Variants in TRRAP observed in about 807,000 individuals in gnomAD.
TRRAP encodes transformation/transcription domain-associated protein.
Under a neutral mutation model 438.8 loss-of-function variants are expected in TRRAP, and 41 were observed. The observed-to-expected ratio is 0.09, with a 90% CI of 0.07 to 0.12. TRRAP has a LOEUF of 0.12. Ranked by LOEUF, TRRAP falls within the 10% of genes least tolerant of loss-of-function variation. The probability of loss-of-function intolerance (pLI) is 1.00; values close to 1 mark genes in which losing one functional copy is unlikely to be tolerated. For missense variants in TRRAP, 3,122 were observed against 5,055.1 expected, an observed-to-expected ratio of 0.62 and a Z score of 11.60; for synonymous variants, 1,994 against 1,962.9, an observed-to-expected ratio of 1.02 and a Z score of -0.42.
chr7:98,896,035 T>C (rs980857653), intron 7 of TRRAP, among the ~76,000 whole-genome samples: 96 of 152,324 alleles, frequency 6.3e-4, no homozygotes, highest in African/African-American at 2.2e-3. Flanking sequence ...GTACTTTTTT[T>C]GTACATAAAG....
chr7:98,936,023 A>G (rs530159387), intron 28 of TRRAP, among the ~76,000 whole-genome samples: 6 of 152,356 alleles, frequency 3.9e-5, no homozygotes, highest in African/African-American at 9.6e-5. Context: ...AAGCTTTTCA[A>G]TGACTCAAGC....
chr7:98,892,912 A>G (rs1474457610), intron 5 of TRRAP, among the ~76,000 whole-genome samples: 4 of 152,032 alleles, frequency 2.6e-5, no homozygotes, highest in Non-Finnish European at 1.5e-5. Context: ...CTTGGGGTGA[A>G]TCCATCTGGT....
Position 98,948,217 on chromosome 7 carries a change from T to A in TRRAP, c.4549-4T>A. On this transcript the variant is annotated splice_region_variant and splice_polypyrimidine_tract_variant and intron_variant, in intron 33 of 72. Transcript: ENST00000456197. The surrounding 1 kb of genome is among the most constrained non-coding windows in gnomAD (Gnocchi z 4.9). Reference sequence around the variant, plus strand: ...TGTTTATAATTTCTGGTTTTCTTGATCAGGAAATGAAGATTTGCTCAGCAA... The same window carrying A: ...TGTTTATAATTTCTGGTTTTCTTGAACAGGAAATGAAGATTTGCTCAGCAA... 1.2e-6 allele frequency: 2 copies of A among 1,614,110 alleles called. No individual in the cohort carries two copies. Among genetic ancestry groups the A allele is most frequent in the South Asian group, 2.2e-5 (2 of 91,078 alleles).
At chr7:98,952,612 G>A (rs1791390573) in intron 39 of TRRAP, among the ~76,000 whole-genome samples, 1 of 152,220 alleles carries the variant, frequency 6.6e-6, no homozygotes, top group South Asian at 2.1e-4. Flanking sequence ...AGTTAAGGAT[G>A]TGTCCGGGAG....
In TRRAP at chr7:98,908,593, TGTG is replaced by T. The variant is rs1362411404; in HGVS notation, c.1116-131_1116-129del. 2.2e-5 allele frequency: 15 copies of T among 682,318 alleles called. No homozygotes were observed. Among genetic ancestry groups the T allele is most frequent in the African/African-American group, 8.9e-5 (5 of 56,444 alleles). 42.3% of individuals were successfully genotyped at this position (682,318 alleles called of 1,614,324 possible). On this transcript the variant is annotated intron_variant, in intron 13 of 72. Coordinates refer to ENST00000456197, the MANE Select transcript of TRRAP (RefSeq NM_001375524.1). The surrounding 1 kb of genome is among the most constrained non-coding windows in gnomAD (Gnocchi z 4.1). ...CTGTCATGTATCTGGGAGAGAGTAA[TGTG>T]GTGAAAATGGGCCATGTAAGTGTGC...
At chr7:98,884,435 T>C (rs1209738827) in intron 3 of TRRAP, among the ~76,000 whole-genome samples, 2 of 151,676 alleles carry the variant, frequency 1.3e-5, no homozygotes, top group African/African-American at 4.8e-5. Context: ...GGGTTTCGCC[T>C]TGTTGCCCAG....
chr7:98,956,060 G>GGT lies in TRRAP; in HGVS notation c.5938-76_5938-75dup, dbSNP rs1328074731. 175 of 1,469,382 alleles carry GGT rather than the reference G, an allele frequency of 1.2e-4. No homozygotes were observed. The South Asian group carries it at 1.5e-3, about 12-fold the overall frequency. The allele number at this position is 1,469,382 out of a possible 1,614,324, so 91.0% of individuals were successfully genotyped here. A position where few individuals can be genotyped will look rare whatever the true frequency, so the allele number is the denominator to read the frequency against. Reference sequence around the variant, plus strand: ...TGTTGGGGCTGAGAGGCATGTCGGGGGTGTGTGTGTGCACGTGCGCACACG... The same window carrying GGT: ...TGTTGGGGCTGAGAGGCATGTCGGGGGTGTGTGTGTGTGCACGTGCGCACACG... On this transcript the variant is annotated intron_variant, in intron 41 of 72. Coordinates refer to ENST00000456197, the MANE Select transcript of TRRAP (RefSeq NM_001375524.1). This position sits in a 1 kb window ranked among gnomAD's most constrained non-coding sequence, Gnocchi z 4.5.
intron 64 of TRRAP, among the ~76,000 whole-genome samples, chr7:98,991,714 G>A (rs1793440630): frequency 6.6e-6 from 1 of 152,234 alleles, no homozygotes; most frequent in Non-Finnish European, 1.5e-5. Context: ...CAGTTAGGCA[G>A]AATAAAGTTA....
chr7:99,006,671 CGTCAGGG>C (rs1477333320), intron 69 of TRRAP, among the ~76,000 whole-genome samples: 14 of 152,232 alleles, frequency 9.2e-5, no homozygotes, highest in African/African-American at 3.1e-4. Flanking sequence ...CCTGACTCCA[CGTCAGGG>C]GTTACAGTGG....
chr7:98,930,558 A>G, intron 24 of TRRAP, 75 bp from the exon 25 acceptor site: 1 of 1,577,306 alleles, frequency 6.3e-7, no homozygotes, highest in Non-Finnish European at 8.6e-7. Context: ...GGCCTGGGCA[A>G]TAAGAGCGAA....
intron 62 of TRRAP, 49 bp from the exon 63 acceptor site, chr7:98,988,716 T>G: frequency 6.3e-7 from 1 of 1,581,734 alleles, no homozygotes; most frequent in Non-Finnish European, 8.7e-7. Flanking sequence ...TACGTGAAGC[T>G]CGCTTCAATT....
At position 98,917,678 on chromosome 7, in the gene TRRAP, A is replaced by G; in HGVS notation, c.2621A>G (p.Gln874Arg). The G allele has an allele frequency of 6.2e-7, 1 of 1,612,816 alleles. No homozygotes were observed. Among genetic ancestry groups the G allele is most frequent in the South Asian group, 1.1e-5 (1 of 91,058 alleles). The stretch of plus-strand genomic sequence containing the variant: ...CAGCCGGTGCGCGCAGAGCTCATGC[A>G]GGTAGGATTTTAGTGAGGTTGTTAG... Reference protein sequence around the residue: ...HIQPVRAELMQALWRTLRNPA... With the variant: ...HIQPVRAELMRALWRTLRNPA... Residue 874 changes from glutamine to arginine, a missense_variant and splice_region_variant, in exon 20 of 73, where the codon CAG becomes CGG. Physicochemically the swap from Gln to Arg is conservative, Grantham distance 43. Coordinates refer to ENST00000456197, the MANE Select transcript of TRRAP (RefSeq NM_001375524.1).
intron 3 of TRRAP, among the ~76,000 whole-genome samples, chr7:98,886,533 G>A (rs1795723862): frequency 6.6e-6 from 1 of 152,088 alleles, no homozygotes; most frequent in Admixed American, 6.6e-5. Flanking sequence ...TATCTAGAGA[G>A]ATAGTATATA....
intron 25 of TRRAP, 67 bp downstream of exon 25, chr7:98,930,897 A>G: frequency 1.9e-6 from 3 of 1,585,224 alleles, no homozygotes; most frequent in South Asian, 1.1e-5. Context: ...GAAGAATACT[A>G]TAAGATCCTT....
At chr7:98,961,568 A>T in intron 46 of TRRAP, 94 bp downstream of exon 46, 2 of 1,445,040 alleles carry the variant, frequency 1.4e-6, no homozygotes, top group Non-Finnish European at 1.9e-6. Flanking sequence ...TATTGTGTCG[A>T]GCGCTTTGTT....
At chr7:98,966,677 ACTGT>A (rs945549012) in intron 49 of TRRAP, among the ~76,000 whole-genome samples, 11 of 152,190 alleles carry the variant, frequency 7.2e-5, no homozygotes, top group African/African-American at 2.6e-4. Flanking sequence ...ACGGCGAGAC[ACTGT>A]CTTAGAAAAA....
At chr7:98,992,691 A>G (rs1156868905) in intron 65 of TRRAP, among the ~76,000 whole-genome samples, 1 of 152,176 alleles carries the variant, frequency 6.6e-6, no homozygotes, top group African/African-American at 2.4e-5. Context: ...CTTTTAATCT[A>G]TATTGAATAG....
At chr7:98,947,011 TGGTGTA>T (rs1791111927) in intron 33 of TRRAP, among the ~76,000 whole-genome samples, 1 of 152,268 alleles carries the variant, frequency 6.6e-6, no homozygotes, top group Non-Finnish European at 1.5e-5. Context: ...CTTTGCCTTT[TGGTGTA>T]AAGAGAAATT....
Position 98,948,834 on chromosome 7 carries a change from T to C in TRRAP, c.4788+149T>C. On this transcript the variant is annotated intron_variant, in intron 35 of 72. Coordinates refer to ENST00000456197, the MANE Select transcript of TRRAP (RefSeq NM_001375524.1). The surrounding 1 kb of genome is among the most constrained non-coding windows in gnomAD (Gnocchi z 4.9). ...GAATATTGGAAACAGCATTGCTGTT[T>C]GGTTGTGTCTGTGAAATGTGCAGGT... is the stretch of plus-strand genomic sequence containing the variant. 1 of 1,351,488 alleles carries C rather than the reference T, an allele frequency of 7.4e-7. No individual in the cohort carries two copies. The highest frequency in any genetic ancestry group is 9.9e-7 in the Non-Finnish European group (1 of 1,006,794). 83.7% of individuals were successfully genotyped at this position (1,351,488 alleles called of 1,614,324 possible).
Sources: allele counts gnomAD v4.1 joint callset (sites outside exome capture counted in the v4.1 genomes callset), GRCh38; gene constraint gnomAD v4.1.1; non-coding constraint Gnocchi (gnomAD v3.1); transcripts MANE v1.5; gene names NCBI Gene and HGNC (gene_info 2026-07-23, HGNC 2026-07-21).